Variants in RMDN2 observed in about 807,000 individuals in gnomAD.
RMDN2 encodes the protein regulator of microtubule dynamics protein 2.
In RMDN2, 61 loss-of-function variants were observed where a neutral mutation model predicts 52.8. The ratio of observed to expected loss-of-function variants is 1.16; its 90% CI spans 0.94 to 1.43. RMDN2 has a LOEUF of 1.43. Among genes scored for constraint, RMDN2 ranks in the 40% most tolerant of loss-of-function variants. The pLI, the probability that RMDN2 is intolerant of heterozygous loss-of-function variation, is 0.00. For synonymous variants in RMDN2, 180 were observed against 153.1 expected (o/e 1.18, Z -1.30); for missense variants, 592 against 475.3 (o/e 1.25, Z -2.28).
rs1220568407 is a variant in RMDN2, at chr2:37,974,209, G to T, written c.622G>T (p.Glu208Ter). The T allele has an allele frequency of 6.2e-7, 1 of 1,609,462 alleles. No individual in the cohort carries two copies. The highest frequency in any genetic ancestry group is 1.1e-5 in the South Asian group (1 of 90,322). ...ESFELLRDHK[E>*]KFRDEIEFMW... is the part of the protein sequence containing the mutation. Reference sequence around the variant, plus strand: ...TTTTGAACTACTTCGTGACCACAAAGAAAAGGTAAGAGACATAACAATAGC... The same window carrying T: ...TTTTGAACTACTTCGTGACCACAAATAAAAGGTAAGAGACATAACAATAGC... Residue 208 changes from glutamate to a stop codon, truncating the protein, a stop_gained, in exon 3 of 11, where the codon GAA (glutamate) becomes TAA (stop). Coordinates refer to ENST00000354545, the MANE Select transcript of RMDN2 (RefSeq NM_001170791.3). LOFTEE classifies it high-confidence loss of function.
chr2:37,981,361 A>C lies in RMDN2; in HGVS notation c.791+18A>C. On this transcript the variant is annotated intron_variant, in intron 5 of 10. Transcript: ENST00000354545. ...CATCTGTGGTAAGTGTATAGGATTT[A>C]TGCAGTCTTTTAAATTCTAACCTGC... is the stretch of plus-strand genomic sequence containing the variant. The C allele has an allele frequency of 6.5e-7, 1 of 1,548,128 alleles. No individual in the cohort carries two copies. Among genetic ancestry groups the C allele is most frequent in the Non-Finnish European group, 8.9e-7 (1 of 1,123,002 alleles).
rs529428927 is a variant in RMDN2 at position 38,007,218 on chromosome 2, A to C, written c.1179+3002A>C. ...TTGGTATCAGGATGATGCTGGCCTC[A>C]TAAAATGAGTTAGGGAGGATTCCCT... On this transcript the variant is annotated intron_variant, in intron 10 of 10. Transcript: ENST00000354545. Among the ~76,000 whole-genome samples the C allele has an allele frequency of 2.0e-5, 3 of 152,330 alleles. No homozygotes were observed. The South Asian group carries it at 6.2e-4, about 32-fold the overall frequency.
intron 2 of RMDN2, among the ~76,000 whole-genome samples, chr2:37,947,246 C>A (rs1391100978): frequency 3.3e-5 from 5 of 152,038 alleles, no homozygotes; most frequent in Non-Finnish European, 7.4e-5. Flanking sequence ...TGCTCAATGT[C>A]CATGTGTACA....
rs116259556 is a variant in RMDN2, at chr2:37,951,929, G to A, written c.453-22111G>A. Reference sequence around the variant, plus strand: ...GAATTGCCAATGATATTCAACAAAGGGGCCAATTATGTAAAGATTTAAAAG... The same window carrying A: ...GAATTGCCAATGATATTCAACAAAGAGGCCAATTATGTAAAGATTTAAAAG... On this transcript the variant is annotated intron_variant, in intron 2 of 10. Transcript: ENST00000354545. 1,822 of 1,613,246 alleles carry A rather than the reference G, an allele frequency of 1.1e-3. 22 individuals are homozygous for A. In the African/African-American group the frequency reaches 0.022, roughly 19 times the overall value.
chr2:38,023,399 T>G (rs1679539458), intron 10 of RMDN2, among the ~76,000 whole-genome samples: 3 of 152,162 alleles, frequency 2.0e-5, no homozygotes, highest in African/African-American at 7.2e-5. Context: ...AGCTAGAAAA[T>G]GTAAAGAAAA....
intron 10 of RMDN2, among the ~76,000 whole-genome samples, chr2:38,011,121 A>G (rs1367464168): frequency 6.6e-6 from 1 of 152,190 alleles, no homozygotes; most frequent in Non-Finnish European, 1.5e-5. Flanking sequence ...CCCAGCCTAG[A>G]GTAAGGGGAG....
intron 2 of RMDN2, among the ~76,000 whole-genome samples, chr2:37,944,130 C>G (rs528562987): frequency 2.1e-4 from 32 of 152,072 alleles, no homozygotes; most frequent in Non-Finnish European, 3.4e-4. Context: ...AAACTTGGAC[C>G]TTTTCTATTT....
chr2:38,000,052 T>C (rs1676105544), intron 8 of RMDN2, among the ~76,000 whole-genome samples: 1 of 152,200 alleles, frequency 6.6e-6, no homozygotes, highest in Non-Finnish European at 1.5e-5. Context: ...TAACTAAAAA[T>C]CAATGTTAGC....
At chr2:37,922,202 G>T (rs2124866093), upstream of RMDN2, among the ~76,000 whole-genome samples, 1 of 152,232 alleles carries the variant, frequency 6.6e-6, no homozygotes, top group South Asian at 2.1e-4. Flanking sequence ...CTTTGAAGCG[G>T]GGGTTGGGGA....
chr2:37,928,898 T>A (rs1416420279), intron 1 of RMDN2: 1 of 154,558 alleles, frequency 6.5e-6, no homozygotes, highest in Admixed American at 6.5e-5. Flanking sequence ...TTTGCCCATC[T>A]GTTCTTTTTT....
chr2:37,964,799 C>T (rs1000228398), intron 2 of RMDN2, among the ~76,000 whole-genome samples: 20 of 152,200 alleles, frequency 1.3e-4, no homozygotes, highest in African/African-American at 4.8e-4. Context: ...AATTCGTTTA[C>T]TATTACTTTA....
At chr2:37,932,660 C>T (rs1223414275) in intron 2 of RMDN2, among the ~76,000 whole-genome samples, 1 of 151,026 alleles carries the variant, frequency 6.6e-6, no homozygotes. Flanking sequence ...CGCCCCTCAC[C>T]TCACGGGGCG....
At chr2:38,004,486 C>T (rs565320373) in intron 10 of RMDN2, among the ~76,000 whole-genome samples, 143 of 152,200 alleles carry the variant, frequency 9.4e-4, no homozygotes, top group Admixed American at 1.4e-3. Flanking sequence ...TTGTTGAGAA[C>T]ATTTGAGATC....
intron 2 of RMDN2, among the ~76,000 whole-genome samples, chr2:37,937,590 T>C (rs1195766387): frequency 6.6e-6 from 1 of 152,230 alleles, no homozygotes; most frequent in Non-Finnish European, 1.5e-5. Context: ...TGGTTTGTAA[T>C]TCTCCTTGAA....
chr2:37,995,355 T>TACTACTACC (rs1442382294), intron 7 of RMDN2, among the ~76,000 whole-genome samples: 11 of 151,398 alleles, frequency 7.3e-5, no homozygotes, highest in Non-Finnish European at 1.2e-4. Flanking sequence ...CTACTACTAC[T>TACTACTACC]ACTACTACTA....
intron 2 of RMDN2, among the ~76,000 whole-genome samples, chr2:37,957,718 C>T (rs1375985536): frequency 6.6e-6 from 1 of 151,964 alleles, no homozygotes; most frequent in East Asian, 1.9e-4. Flanking sequence ...AAGTTTTTGC[C>T]CATGCCTATG....
intron 10 of RMDN2, among the ~76,000 whole-genome samples, chr2:38,011,872 C>T (rs1678046399): frequency 6.6e-6 from 1 of 152,152 alleles, no homozygotes; most frequent in African/African-American, 2.4e-5. Flanking sequence ...TCCCCCGGAC[C>T]ACAGATTGTA....
At chr2:37,983,523 G>C (rs1397682427) in intron 5 of RMDN2, among the ~76,000 whole-genome samples, 1 of 152,014 alleles carries the variant, frequency 6.6e-6, no homozygotes, top group Non-Finnish European at 1.5e-5. Context: ...TTCAGTATCA[G>C]TTTTGAATTA....
chr2:37,989,519 T>TGTC (rs1391745178), intron 5 of RMDN2, 22 bp from the exon 6 acceptor site: 1 of 1,570,514 alleles, frequency 6.4e-7, no homozygotes, highest in African/African-American at 1.4e-5. Context: ...CCACTGTTTT[T>TGTC]GTCTGTTTTT....
Sources: gnomAD v4.1 joint callset for allele counts (sites outside exome capture counted in the v4.1 genomes callset) on GRCh38, gnomAD v4.1.1 for gene constraint, MANE v1.5 for transcripts, NCBI Gene and HGNC (gene_info 2026-07-23, HGNC 2026-07-21) for gene names.